Variants in XPOT observed in about 807,000 individuals in gnomAD.
The protein encoded by XPOT is exportin-T.
A neutral mutation model predicts 128.2 loss-of-function variants in XPOT; 34 were observed. The ratio of observed to expected loss-of-function variants is 0.27; its 90% CI spans 0.20 to 0.35. The LOEUF (loss-of-function observed/expected upper bound fraction) is 0.35. XPOT is among the 10% of genes least tolerant of loss of function. The pLI is 1.00. For synonymous variants in XPOT, 348 were observed against 394.3 expected, an observed-to-expected ratio of 0.88 and a Z score of 1.39; for missense variants, 838 against 1,125.3, an observed-to-expected ratio of 0.74 and a Z score of 3.65.
rs1592346334 is a variant in XPOT, at chr12:64,450,948, A to G, written c.*2817A>G. ...TGTGGCTCAGTTAATCACTCCCACA[A>G]CTTTGAGCTGTGAGTTTTACTGGTG... On this transcript the variant is annotated 3_prime_UTR_variant, in exon 25 of 25. Coordinates refer to ENST00000332707, the MANE Select transcript of XPOT (RefSeq NM_007235.6). 1.3e-5 allele frequency: 2 copies of G among 152,232 alleles called. No homozygotes were observed. The highest frequency in any genetic ancestry group is 4.1e-4 in the South Asian group (2 of 4,836). The allele number at this position is 152,232 out of a possible 1,614,324, so 9.4% of individuals were successfully genotyped here. A position where few individuals can be genotyped will look rare whatever the true frequency, so the allele number is the denominator to read the frequency against.
chr12:64,436,578 A>G (rs1565803098), intron 22 of XPOT, among the ~76,000 whole-genome samples: 1 of 151,498 alleles, frequency 6.6e-6, no homozygotes, highest in Non-Finnish European at 1.5e-5. Context: ...TTTTTTTAAT[A>G]TATATTTTAC....
At chr12:64,410,460 T>A (rs1178486454) in intron 2 of XPOT, among the ~76,000 whole-genome samples, 2 of 152,192 alleles carry the variant, frequency 1.3e-5, no homozygotes, top group African/African-American at 4.8e-5. Context: ...ACAAGCTGTT[T>A]TAACACTTAC....
intron 24 of XPOT, among the ~76,000 whole-genome samples, chr12:64,447,324 T>G (rs1325257698): frequency 1.3e-5 from 2 of 152,226 alleles, no homozygotes; most frequent in Non-Finnish European, 2.9e-5. Flanking sequence ...GATGGCAGCA[T>G]GTAGTACTAG....
chr12:64,447,030 CAG>C (rs2040371879), intron 24 of XPOT, among the ~76,000 whole-genome samples: 1 of 152,132 alleles, frequency 6.6e-6, no homozygotes, highest in South Asian at 2.1e-4. Context: ...CAAGGAGGAG[CAG>C]GTCACATCTT....
At chr12:64,431,436 A>T in intron 17 of XPOT, 102 bp from the exon 18 acceptor site, 2 of 1,176,498 alleles carry the variant, frequency 1.7e-6, no homozygotes, top group Non-Finnish European at 2.4e-6. Flanking sequence ...CTGGTTATTT[A>T]GTTTTGTTAA....
At chr12:64,445,177 T>A in intron 24 of XPOT, 46 bp downstream of exon 24, 1 of 1,441,320 alleles carries the variant, frequency 6.9e-7, no homozygotes, top group Non-Finnish European at 9.6e-7. Context: ...TTAGGTAATG[T>A]TTGAGAGCCA....
In XPOT at chr12:64,418,932, C is replaced by T. The variant is rs180926589; in HGVS notation, c.327C>T (p.Phe109=). Residue 109 remains phenylalanine (F), a synonymous_variant, in exon 6 of 25, where the codon TTC becomes TTT. Transcript: ENST00000332707. ...TACGAAATAAAGCCGCCCAAGTCTT[C>T]GCCTTGCTTTTTGTTACAGAGTATC... ...TFIRNKAAQV[F]ALLFVTEYLT... is the part of the protein sequence containing the mutation. 1.5e-4 allele frequency: 236 copies of T among 1,613,998 alleles called. 3 individuals are homozygous for T. In the Admixed American group the frequency reaches 3.7e-3, roughly 26 times the overall value.
chr12:64,425,492 T>C, intron 14 of XPOT, 35 bp downstream of exon 14: 1 of 1,608,180 alleles, frequency 6.2e-7, no homozygotes, highest in South Asian at 1.1e-5. Context: ...TTTCCATGGG[T>C]TTCAGCTAAT....
intron 1 of XPOT, among the ~76,000 whole-genome samples, chr12:64,409,474 G>T (rs937624260): frequency 6.6e-6 from 1 of 152,190 alleles, no homozygotes; most frequent in Non-Finnish European, 1.5e-5. Context: ...GGTGGCTCAT[G>T]CCTGTAATCC....
Position 64,434,283 on chromosome 12 carries a change from A to G in XPOT, c.2453-224A>G, listed in dbSNP as rs564946901. Among the ~76,000 whole-genome samples the G allele has an allele frequency of 3.0e-3, 462 of 152,322 alleles. 1 individual carries two copies. The highest frequency in any genetic ancestry group is 3.4e-3 in the Non-Finnish European group (233 of 68,032). The stretch of plus-strand genomic sequence containing the variant: ...AGGGCTGGAATTACAGACAGGAGCC[A>G]CCGCGCCCAGCTGATTTTTCAGTGT... On this transcript the variant is annotated intron_variant, in intron 19 of 24. Transcript: ENST00000332707.
chr12:64,429,782 G>T (rs180979330), intron 16 of XPOT, among the ~76,000 whole-genome samples: 43 of 152,218 alleles, frequency 2.8e-4, no homozygotes, highest in African/African-American at 9.6e-4. Flanking sequence ...CTTTACAAAA[G>T]AAAACAAGTT....
chr12:64,435,677 A>G lies in XPOT; in HGVS notation c.2733+3A>G. ...TGAAAACAATTCATCTCAAACGGGT[A>G]AGCCTTTTAGTCCATGCCCCTTCAT... On this transcript the variant is annotated splice_donor_region_variant and intron_variant, in intron 22 of 24. Coordinates refer to ENST00000332707, the MANE Select transcript of XPOT (RefSeq NM_007235.6). The G allele has an allele frequency of 1.2e-6, 2 of 1,602,620 alleles. No individual in the cohort carries two copies. The highest frequency in any genetic ancestry group is 2.3e-5 in the East Asian group (1 of 44,298).
intron 18 of XPOT, 23 bp downstream of exon 18, chr12:64,431,846 T>G (rs1435244364): frequency 6.3e-7 from 1 of 1,599,236 alleles, no homozygotes; most frequent in Admixed American, 1.7e-5. Flanking sequence ...TTCAGAGCTC[T>G]GAAAATCTCT....
At chr12:64,417,632 T>C (rs769114555) in intron 4 of XPOT, among the ~76,000 whole-genome samples, 26 of 152,234 alleles carry the variant, frequency 1.7e-4, no homozygotes, top group Non-Finnish European at 3.1e-4. Context: ...GGCCTGTTTT[T>C]CTACATGACA....
At chr12:64,431,961 AT>A in intron 18 of XPOT, 138 bp downstream of exon 18, 4 of 854,646 alleles carry the variant, frequency 4.7e-6, no homozygotes, top group Middle Eastern at 2.4e-4. Context: ...GATCATATGT[AT>A]TTTTATCATC....
chr12:64,446,362 C>T (rs1592343609), intron 24 of XPOT, among the ~76,000 whole-genome samples: 1 of 152,142 alleles, frequency 6.6e-6, no homozygotes, highest in Non-Finnish European at 1.5e-5. Flanking sequence ...CATTATTATT[C>T]TAGTTGGAAA....
chr12:64,425,622 T>G (rs2040185596), intron 14 of XPOT, 165 bp downstream of exon 14: 11 of 1,013,218 alleles, frequency 1.1e-5, no homozygotes, highest in African/African-American at 1.6e-5. Context: ...AATGGATAGT[T>G]TGTGCCCAAT....
At chr12:64,445,991 T>TG (rs2040364415) in intron 24 of XPOT, among the ~76,000 whole-genome samples, 1 of 152,232 alleles carries the variant, frequency 6.6e-6, no homozygotes, top group Non-Finnish European at 1.5e-5. Flanking sequence ...CATCTTCCCT[T>TG]GTCAGTTTTT....
intron 12 of XPOT, 65 bp from the exon 13 acceptor site, chr12:64,424,973 C>A: frequency 6.3e-7 from 1 of 1,588,270 alleles, no homozygotes; most frequent in South Asian, 1.1e-5. Flanking sequence ...GTGTCTTACC[C>A]TGTGCATAAT....
Sources: gnomAD v4.1 joint callset for allele counts (sites outside exome capture counted in the v4.1 genomes callset) on GRCh38, gnomAD v4.1.1 for gene constraint, MANE v1.5 for transcripts, NCBI Gene and HGNC (gene_info 2026-07-23, HGNC 2026-07-21) for gene names.